The following HSD17B3 variants were observed in gnomAD, a reference collection of about 807,000 sequenced individuals.
HSD17B3 encodes hydroxysteroid 17-beta dehydrogenase 3, also known as 17-beta-hydroxysteroid dehydrogenase type 3.
Under a neutral mutation model 41.1 loss-of-function variants are expected in HSD17B3, and 29 were observed. The ratio of observed to expected loss-of-function variants is 0.71; its 90% CI spans 0.53 to 0.96. The LOEUF (loss-of-function observed/expected upper bound fraction) is 0.96. Among genes scored for constraint, HSD17B3 ranks in the 40% least tolerant of loss-of-function variants. The probability of loss-of-function intolerance (pLI) is 0.00; values close to 1 mark genes in which losing one functional copy is unlikely to be tolerated. For synonymous variants in HSD17B3, 126 were observed against 145.6 expected (o/e 0.87, Z 0.97); for missense variants, 323 against 374.6 (o/e 0.86, Z 1.14).
At chr9:96,256,595 C>T (rs569677922) in intron 2 of HSD17B3, among the ~76,000 whole-genome samples, 1 of 152,224 alleles carries the variant, frequency 6.6e-6, no homozygotes, top group South Asian at 2.1e-4. Context: ...CGCTTGAACC[C>T]AGGAGGTGGA....
chr9:96,253,589 G>A (rs1248355863), intron 3 of HSD17B3, among the ~76,000 whole-genome samples: 7 of 152,120 alleles, frequency 4.6e-5, no homozygotes. Flanking sequence ...CCACTCTCTG[G>A]TCACTCCACG....
At chr9:96,245,228 T>TA in intron 8 of HSD17B3, 117 bp downstream of exon 8, 1 of 836,206 alleles carries the variant, frequency 1.2e-6, no homozygotes, top group Admixed American at 1.7e-5. Context: ...GCCCTGCACA[T>TA]AAGAGAGCAT....
intron 3 of HSD17B3, among the ~76,000 whole-genome samples, chr9:96,253,551 A>G (rs749849503): frequency 1.3e-5 from 2 of 152,232 alleles, no homozygotes; most frequent in Non-Finnish European, 2.9e-5. Flanking sequence ...GAAGGCTCAG[A>G]GAAGCTAACT....
intron 2 of HSD17B3, among the ~76,000 whole-genome samples, chr9:96,295,032 G>A (rs1827296231): frequency 7.6e-6 from 1 of 131,150 alleles, no homozygotes; most frequent in Non-Finnish European, 1.6e-5. Context: ...TTTTGAGATG[G>A]TGTCTCGCTC....
At chr9:96,244,560 A>T (rs1836583631) in intron 8 of HSD17B3, among the ~76,000 whole-genome samples, 166 bp from the exon 9 acceptor site, 1 of 152,008 alleles carries the variant, frequency 6.6e-6, no homozygotes, top group Non-Finnish European at 1.5e-5. Context: ...CACAGGGTGA[A>T]TATGTTCTAG....
chr9:96,269,545 G>A (rs1445343304), intron 2 of HSD17B3, among the ~76,000 whole-genome samples: 1 of 152,112 alleles, frequency 6.6e-6, no homozygotes, highest in East Asian at 1.9e-4. Flanking sequence ...CATGTTCCAT[G>A]GTTCATTTCA....
At chr9:96,256,655 A>G (rs1825673747) in intron 2 of HSD17B3, among the ~76,000 whole-genome samples, 1 of 152,116 alleles carries the variant, frequency 6.6e-6, no homozygotes, top group Non-Finnish European at 1.5e-5. Context: ...TGGGTGACAG[A>G]GCAAGACTCT....
At chr9:96,244,151 C>T (rs555193613) in intron 9 of HSD17B3, 178 bp downstream of exon 9, 15 of 706,558 alleles carry the variant, frequency 2.1e-5, no homozygotes, top group East Asian at 1.5e-4. Flanking sequence ...GGGACTGAGG[C>T]GCCCCAAAAG....
chr9:96,285,652 T>C (rs902609445), intron 2 of HSD17B3, among the ~76,000 whole-genome samples: 5 of 152,200 alleles, frequency 3.3e-5, no homozygotes, highest in Admixed American at 6.6e-5. Context: ...TTTTCTTAAA[T>C]TGGACACTTA....
At chr9:96,298,299 C>G in intron 2 of HSD17B3, 117 bp downstream of exon 2, 1 of 833,784 alleles carries the variant, frequency 1.2e-6, no homozygotes, top group Non-Finnish European at 2.1e-6. Context: ...AGTATATTTT[C>G]TCCTTTAAAT....
chr9:96,259,439 G>A lies in HSD17B3; in HGVS notation c.202-4496C>T, dbSNP rs116023617. Among the ~76,000 whole-genome samples the A allele has an allele frequency of 7.0e-3, 1,060 of 152,182 alleles. 13 individuals are homozygous for A. The highest frequency in any genetic ancestry group is 0.024 in the African/African-American group (1,009 of 41,526). On this transcript the variant is annotated intron_variant, in intron 2 of 10. Coordinates refer to ENST00000375263, the MANE Select transcript of HSD17B3 (RefSeq NM_000197.2). ...GGGAATACATTCAAAAGTGTGTGGC[G>A]TGGCCGGGCACATTGGCTCATGCCT...
At chr9:96,245,481 G>T in intron 7 of HSD17B3, 55 bp from the exon 8 acceptor site, 1 of 1,362,530 alleles carries the variant, frequency 7.3e-7, no homozygotes, top group Non-Finnish European at 1.1e-6. Context: ...CTGACCTTGA[G>T]TACAAAGAAA....
chr9:96,267,157 ATTT>A (rs11301816), intron 2 of HSD17B3, among the ~76,000 whole-genome samples: 12 of 137,996 alleles, frequency 8.7e-5, no homozygotes, highest in Non-Finnish European at 9.5e-5. Context: ...AAAAGACAAC[ATTT>A]TTTTTTTTTT....
At chr9:96,291,963 A>C (rs946722244) in intron 2 of HSD17B3, among the ~76,000 whole-genome samples, 1 of 152,136 alleles carries the variant, frequency 6.6e-6, no homozygotes, top group Non-Finnish European at 1.5e-5. Context: ...TCTCAAAAAA[A>C]GAAAAAAAAA....
At chr9:96,293,808 A>G (rs1827248764) in intron 2 of HSD17B3, among the ~76,000 whole-genome samples, 1 of 152,210 alleles carries the variant, frequency 6.6e-6, no homozygotes, top group Admixed American at 6.5e-5. Flanking sequence ...TAACCTTGGA[A>G]AGCTTACTCT....
chr9:96,239,700 G>A (rs1836358451), intron 10 of HSD17B3: 1 of 152,212 alleles, frequency 6.6e-6, no homozygotes, highest in Non-Finnish European at 1.5e-5. Context: ...TGAGACAGAG[G>A]AGGAAATTGG....
At chr9:96,269,994 A>ATTATTT (rs1826180602) in intron 2 of HSD17B3, among the ~76,000 whole-genome samples, 1 of 151,974 alleles carries the variant, frequency 6.6e-6, no homozygotes, top group Non-Finnish European at 1.5e-5. Context: ...AAACCAACAT[A>ATTATTT]TTATTTAGGC....
At chr9:96,242,627 C>T (rs1200580330) in intron 9 of HSD17B3, among the ~76,000 whole-genome samples, 1 of 152,164 alleles carries the variant, frequency 6.6e-6, no homozygotes, top group Non-Finnish European at 1.5e-5. Flanking sequence ...TGAAAGATCA[C>T]AGTCTTTTCA....
intron 6 of HSD17B3, among the ~76,000 whole-genome samples, chr9:96,249,121 G>A (rs547641718): frequency 2.0e-5 from 3 of 152,132 alleles, no homozygotes; most frequent in East Asian, 1.9e-4. Context: ...TGGACAGGAC[G>A]GTCTCCAACT....
Sources: allele counts gnomAD v4.1 joint callset (sites outside exome capture counted in the v4.1 genomes callset), GRCh38; gene constraint gnomAD v4.1.1; transcripts MANE v1.5; gene names NCBI Gene and HGNC (gene_info 2026-07-23, HGNC 2026-07-21).